Variants in DCAF8L2 observed in about 807,000 individuals in gnomAD.
DCAF8L2 encodes DDB1- and CUL4-associated factor 8-like protein 2.
For missense variants in DCAF8L2, 430 were observed against 490.7 expected (o/e 0.88, Z 1.17); for synonymous variants, 200 against 190.9 (o/e 1.05, Z -0.39).
intron 1 of DCAF8L2, among the ~76,000 whole-genome samples, chrX:27,619,272 G>T (rs774847908): frequency 9.0e-6 from 1 of 110,973 alleles, no homozygotes; most frequent in African/African-American, 3.3e-5. Context: ...CTCCAAACAG[G>T]GATAAGCCTT....
chrX:27,493,763 A>G, the DCAF8L2 span, among the ~76,000 whole-genome samples: 7 of 108,654 alleles, frequency 6.4e-5, no homozygotes, highest in East Asian at 2.9e-4. Flanking sequence ...AAACCCTACA[A>G]TCTATTAGTA....
the DCAF8L2 span, among the ~76,000 whole-genome samples, chrX:27,479,242 A>T: frequency 9.0e-6 from 1 of 110,954 alleles, no homozygotes; most frequent in Non-Finnish European, 1.9e-5. Context: ...CTCCTGAGGA[A>T]CTGCATCCTG....
intron 2 of DCAF8L2, among the ~76,000 whole-genome samples, chrX:27,666,200 T>C (rs748639149): frequency 1.8e-5 from 2 of 112,286 alleles, no homozygotes; most frequent in Non-Finnish European, 3.8e-5. Flanking sequence ...AAGTTTGCAG[T>C]AAAAATAAGA....
chrX:27,477,447 C>T, the DCAF8L2 span, among the ~76,000 whole-genome samples: 1 of 110,789 alleles, frequency 9.0e-6, no homozygotes, highest in African/African-American at 3.3e-5. Context: ...ACCACCACGC[C>T]CAGCTAATTT....
chrX:27,694,360 T>G (rs896172584), intron 3 of DCAF8L2, among the ~76,000 whole-genome samples: 3 of 111,868 alleles, frequency 2.7e-5, no homozygotes, highest in African/African-American at 6.5e-5. Flanking sequence ...AACATAAAAA[T>G]GGAAATTATT....
chrX:27,529,785 T>C, the DCAF8L2 span, among the ~76,000 whole-genome samples: 2 of 111,865 alleles, frequency 1.8e-5, no homozygotes, highest in African/African-American at 3.2e-5. Context: ...TCACAGTAAG[T>C]ATCTGAACCT....
the DCAF8L2 span, among the ~76,000 whole-genome samples, chrX:27,503,219 G>T: frequency 1.2e-4 from 13 of 111,034 alleles, no homozygotes; most frequent in African/African-American, 4.3e-4. Flanking sequence ...TCAGAAATAT[G>T]ATTTTCCCAT....
the DCAF8L2 span, among the ~76,000 whole-genome samples, chrX:27,486,130 C>T: frequency 1.9e-5 from 2 of 107,424 alleles, no homozygotes; most frequent in African/African-American, 3.4e-5. Context: ...CTCAGCCTCC[C>T]GAGCATCTGG....
At chrX:27,624,386 C>T (rs975697213) in intron 1 of DCAF8L2, among the ~76,000 whole-genome samples, 3 of 110,485 alleles carry the variant, frequency 2.7e-5, no homozygotes, top group African/African-American at 9.9e-5. Context: ...AGGAACATTC[C>T]ATGCTCATGG....
At chrX:27,592,411 G>T (rs866401708) in intron 1 of DCAF8L2, among the ~76,000 whole-genome samples, 28 of 51,587 alleles carry the variant, frequency 5.4e-4, no homozygotes, top group South Asian at 2.7e-3. Context: ...TTTTTTGTTT[G>T]TTTTTGTTTT....
intron 4 of DCAF8L2, among the ~76,000 whole-genome samples, chrX:27,728,251 C>A (rs1448081900): frequency 2.7e-5 from 3 of 111,562 alleles, no homozygotes; most frequent in Non-Finnish European, 5.6e-5. Context: ...ACATTTAACA[C>A]AATTTTTTTA....
At chrX:27,687,048 A>G (rs1156366888) in intron 3 of DCAF8L2, among the ~76,000 whole-genome samples, 1 of 111,636 alleles carries the variant, frequency 9.0e-6, no homozygotes, top group Non-Finnish European at 1.9e-5. Flanking sequence ...CCTGGTTCCT[A>G]ACAGGCCACA....
the DCAF8L2 span, among the ~76,000 whole-genome samples, chrX:27,577,182 G>GATA: frequency 1.2e-4 from 14 of 112,005 alleles, no homozygotes; most frequent in Non-Finnish European, 2.6e-4. Context: ...CAGACCAGCA[G>GATA]ATATCCTCCC....
the DCAF8L2 span, among the ~76,000 whole-genome samples, chrX:27,561,676 TG>T: frequency 0.029 from 3,175 of 111,330 alleles, 47 homozygotes; most frequent in Non-Finnish European, 0.047. Context: ...ACAATATGCA[TG>T]GGGGGGTTGT....
chrX:27,621,714 C>A (rs1019664124), intron 1 of DCAF8L2, among the ~76,000 whole-genome samples: 3 of 111,813 alleles, frequency 2.7e-5, no homozygotes, highest in African/African-American at 9.8e-5. Flanking sequence ...GATGCTGGGG[C>A]AGGCACTGTG....
the DCAF8L2 span, among the ~76,000 whole-genome samples, chrX:27,554,289 T>A: frequency 1.8e-5 from 2 of 111,820 alleles, no homozygotes; most frequent in African/African-American, 6.5e-5. Context: ...AAGATTCTCA[T>A]CTCCTGTAGC....
chrX:27,536,147 C>T, the DCAF8L2 span, among the ~76,000 whole-genome samples: 1 of 111,885 alleles, frequency 8.9e-6, no homozygotes, highest in African/African-American at 3.2e-5. Context: ...TACTTATCAC[C>T]TTTTAAATTC....
At chrX:27,606,646 C>T (rs1926920001) in intron 1 of DCAF8L2, among the ~76,000 whole-genome samples, 1 of 108,442 alleles carries the variant, frequency 9.2e-6, no homozygotes, top group Admixed American at 1.0e-4. Context: ...GCTGGGATTA[C>T]AGGCGTGAGC....
the DCAF8L2 span, among the ~76,000 whole-genome samples, chrX:27,567,546 C>CATATATAT: frequency 4.5e-3 from 134 of 29,617 alleles, 4 homozygotes; most frequent in South Asian, 8.2e-3. Context: ...ACCACTGTAG[C>CATATATAT]ATATATATAT....
Sources: allele counts gnomAD v4.1 joint callset (sites outside exome capture counted in the v4.1 genomes callset), GRCh38; gene constraint gnomAD v4.1.1; transcripts MANE v1.5; gene names NCBI Gene and HGNC (gene_info 2026-07-23, HGNC 2026-07-21).